The following EMC3 variants were observed in gnomAD, a reference collection of about 807,000 sequenced individuals.
EMC3 encodes the protein ER membrane protein complex subunit 3.
EMC3 carries 13 observed loss-of-function variants against 36.6 expected under a neutral mutation model. The observed-to-expected ratio is 0.35, with a 90% confidence interval of 0.23 to 0.56. The LOEUF (loss-of-function observed/expected upper bound fraction) is 0.56, where lower values mean the gene tolerates loss of function less well. Among genes scored for constraint, EMC3 ranks in the 20% least tolerant of loss-of-function variants. EMC3 has a pLI of 0.84. For synonymous variants in EMC3, 120 were observed against 111.9 expected (o/e 1.07, Z -0.46); for missense variants, 220 against 324.5 (o/e 0.68, Z 2.47).
chr3:9,972,739 T>C (rs1395759351), intron 5 of EMC3, among the ~76,000 whole-genome samples: 4 of 150,664 alleles, frequency 2.7e-5, no homozygotes, highest in East Asian at 4.0e-4. Flanking sequence ...CACTCCAAGC[T>C]GGGTGACAGA....
chr3:9,976,254 C>A (rs574220152), intron 3 of EMC3, among the ~76,000 whole-genome samples: 16 of 152,186 alleles, frequency 1.1e-4, no homozygotes, highest in Non-Finnish European at 2.2e-4. Flanking sequence ...TACAGGCACC[C>A]ACCACCACGC....
intron 1 of EMC3, among the ~76,000 whole-genome samples, chr3:9,993,457 A>G (rs1002990418): frequency 2.0e-5 from 3 of 151,976 alleles, no homozygotes; most frequent in African/African-American, 7.3e-5. Flanking sequence ...GGTTTGGGTT[A>G]GGAGCTAATG....
intron 1 of EMC3, chr3:9,981,624 A>G: frequency 3.6e-6 from 1 of 274,946 alleles, no homozygotes; most frequent in South Asian, 3.1e-5. Flanking sequence ...TTGCAGAGAC[A>G]GGGTCTTACC....
intron 1 of EMC3, chr3:10,010,877 C>T (rs1428705108): frequency 6.6e-6 from 1 of 152,404 alleles, no homozygotes; most frequent in Admixed American, 6.5e-5. Flanking sequence ...CGCGGCCGCA[C>T]TCGGTCACCT....
In EMC3 at chr3:9,986,553, G is replaced by C; in HGVS notation, c.109C>G (p.Leu37Val). The C allele has an allele frequency of 3.1e-6, 5 of 1,614,232 alleles. No individual in the cohort carries two copies. The highest frequency in any genetic ancestry group is 4.2e-6 in the Non-Finnish European group (5 of 1,180,048). The change falls in exon 1 of 8, where the codon CTG becomes GTG. Residue 37 changes from leucine (L) to valine (V), a missense_variant. This residue lies in a region of EMC3 where 127 missense variants were observed against 174.6 expected (regional missense o/e 0.73). Transcript: ENST00000245046. ...GTGAGCTTCTTGTCGCTCTGCAGCA[G>C]GATGGACACGTAGTGGCGGATCATG... ...VGMIRHYVSI[L>V]LQSDKKLTQE...
Position 9,964,177 on chromosome 3 carries a change from C to T in EMC3, c.678G>A (p.Glu226=). ...CTAGTGCCCACTGGTGATCCGTCAG[C>T]TCCAAAGCTTCCCACTCTGTCTGTA... ...KAFKTEWEAL[E]LTDHQWALDD... is the part of the protein sequence containing the mutation. The change falls in exon 8 of 8, where the codon GAG becomes GAA. Residue 226 remains glutamate, a synonymous_variant. Transcript: ENST00000245046. 1.2e-6 allele frequency: 2 copies of T among 1,614,142 alleles called. No individual in the cohort carries two copies. The highest frequency in any genetic ancestry group is 1.7e-6 in the Non-Finnish European group (2 of 1,180,024).
chr3:9,964,483 G>A (rs1051255372), intron 7 of EMC3, among the ~76,000 whole-genome samples: 1 of 152,232 alleles, frequency 6.6e-6, no homozygotes, highest in Non-Finnish European at 1.5e-5. Flanking sequence ...ATTGTGGTCT[G>A]ACTGCAAAGT....
rs61596273 is a variant in EMC3 at position 9,963,477 on chromosome 3, A to ATATATTTTTTTTTTTTTTTTTTTTT, written c.*591_*592insAAAAAAAAAAAAAAAAAAAAATATA. 1.1e-5 allele frequency: 1 copy of ATATATTTTTTTTTTTTTTTTTTTTT among 88,906 alleles called. No homozygotes were observed. Among genetic ancestry groups the ATATATTTTTTTTTTTTTTTTTTTTT allele is most frequent in the African/African-American group, 4.7e-5 (1 of 21,350 alleles). The allele number at this position is 88,906 out of a possible 1,614,324, so 5.5% of individuals were successfully genotyped here. On this transcript the variant is annotated 3_prime_UTR_variant, in exon 8 of 8. Transcript: ENST00000245046. ...TAGATATATATATATATATATATAT[A>ATATATTTTTTTTTTTTTTTTTTTTT]TTTTTTTTTTTTTTTCAGATGGAGT...
At chr3:9,998,376 A>AATAATAAT (rs2086154847) in intron 1 of EMC3, among the ~76,000 whole-genome samples, 1 of 140,862 alleles carries the variant, frequency 7.1e-6, no homozygotes, top group Non-Finnish European at 1.5e-5. Context: ...AAATAATAAT[A>AATAATAAT]ATAATAATAA....
At chr3:9,980,797 T>G (rs1354025119) in intron 1 of EMC3, among the ~76,000 whole-genome samples, 1 of 152,174 alleles carries the variant, frequency 6.6e-6, no homozygotes, top group Non-Finnish European at 1.5e-5. Context: ...CTTTGCATAT[T>G]TTATTACTTG....
At chr3:10,007,731 C>G in intron 1 of EMC3, 2 of 1,049,730 alleles carry the variant, frequency 1.9e-6, no homozygotes, top group Non-Finnish European at 2.6e-6. Flanking sequence ...GGTGCAGATG[C>G]CCATCAGCAC....
chr3:9,999,659 A>G (rs2086173796), intron 1 of EMC3, among the ~76,000 whole-genome samples: 2 of 152,232 alleles, frequency 1.3e-5, no homozygotes, highest in African/African-American at 4.8e-5. Flanking sequence ...CAAAAGCACC[A>G]TTCCCAATCA....
chr3:9,994,718 G>A (rs901387084), intron 1 of EMC3, among the ~76,000 whole-genome samples: 2 of 151,978 alleles, frequency 1.3e-5, no homozygotes, highest in African/African-American at 4.8e-5. Context: ...TTACAGGCGC[G>A]TGCCACTATG....
intron 7 of EMC3, among the ~76,000 whole-genome samples, chr3:9,965,462 A>AT (rs2085728573): frequency 2.6e-5 from 4 of 152,078 alleles, no homozygotes; most frequent in African/African-American, 9.6e-5. Context: ...AGATAGATAG[A>AT]ACAAGCTTAT....
At chr3:9,964,954 T>C (rs1254864901) in intron 7 of EMC3, among the ~76,000 whole-genome samples, 1 of 152,154 alleles carries the variant, frequency 6.6e-6, no homozygotes, top group African/African-American at 2.4e-5. Flanking sequence ...AAATGCTTTA[T>C]GAGTTGGGTG....
Position 9,974,457 on chromosome 3 carries a change from C to T in EMC3, c.339G>A (p.Gly113=). The T allele has an allele frequency of 6.2e-7, 1 of 1,613,220 alleles. No individual in the cohort carries two copies. The highest frequency in any genetic ancestry group is 8.5e-7 in the Non-Finnish European group (1 of 1,179,158). Residue 113 remains glycine, a synonymous_variant, in exon 4 of 8, where the codon GGG becomes GGA. Transcript: ENST00000245046. ...DPTMLTDMMK[G]NVTNVLPMIL... is the part of the protein sequence containing the mutation. ...TCATAGGGAGGACATTTGTTACATT[C>T]CCTTTCATCATGTCTGTCAACATAG...
intron 6 of EMC3, 99 bp downstream of exon 6, chr3:9,970,483 T>C: frequency 7.7e-7 from 1 of 1,292,416 alleles, no homozygotes; most frequent in South Asian, 1.2e-5. Flanking sequence ...TTTATTTGAC[T>C]ATGGTAACAA....
chr3:9,968,010 C>G (rs1238480090), intron 7 of EMC3, among the ~76,000 whole-genome samples: 1 of 152,222 alleles, frequency 6.6e-6, no homozygotes, highest in Admixed American at 6.5e-5. Flanking sequence ...CAACCTCTGC[C>G]TCCCGGGTTC....
At chr3:9,982,654 G>A (rs1404513803) in intron 1 of EMC3, among the ~76,000 whole-genome samples, 4 of 152,024 alleles carry the variant, frequency 2.6e-5, no homozygotes, top group Admixed American at 6.6e-5. Context: ...GTGGAAGGCC[G>A]AGATGGAAGG....
Sources: allele counts gnomAD v4.1 joint callset (sites outside exome capture counted in the v4.1 genomes callset), GRCh38; gene constraint gnomAD v4.1.1; regional missense constraint gnomAD v4.1.1; transcripts MANE v1.5; gene names NCBI Gene and HGNC (gene_info 2026-07-23, HGNC 2026-07-21).